KHDRBS2: variants seen among roughly 807,000 people sequenced by gnomAD.
The protein encoded by KHDRBS2 is KH domain-containing, RNA-binding, signal transduction-associated protein 2.
A neutral mutation model predicts 44.3 loss-of-function variants in KHDRBS2; 26 were observed. The observed-to-expected ratio is 0.59, with a 90% CI of 0.43 to 0.81. The LOEUF is 0.81. KHDRBS2 is among the 40% of genes least tolerant of loss of function. The pLI, the probability that KHDRBS2 is intolerant of heterozygous loss-of-function variation, is 0.00. For missense variants in KHDRBS2, 476 were observed against 433.1 expected (o/e 1.10, Z -0.88); for synonymous variants, 194 against 151.1 (o/e 1.28, Z -2.08).
chr6:62,061,921 A>C (rs1026215167), intron 2 of KHDRBS2, among the ~76,000 whole-genome samples: 10 of 151,328 alleles, frequency 6.6e-5, no homozygotes, highest in Non-Finnish European at 1.5e-4. Context: ...CATTTCATTT[A>C]TTTCATCTTC....
intron 6 of KHDRBS2, among the ~76,000 whole-genome samples, chr6:61,830,147 T>C (rs1583053111): frequency 6.6e-6 from 1 of 152,188 alleles, no homozygotes; most frequent in Admixed American, 6.5e-5. Flanking sequence ...TCCTCTCTAA[T>C]TAAATTCTCC....
chr6:62,083,640 A>C (rs745814268), intron 2 of KHDRBS2, among the ~76,000 whole-genome samples: 1 of 152,112 alleles, frequency 6.6e-6, no homozygotes, highest in Non-Finnish European at 1.5e-5. Flanking sequence ...AGAAGTGCTC[A>C]TCCCTACCTC....
intron 7 of KHDRBS2, among the ~76,000 whole-genome samples, chr6:61,708,705 A>C (rs185974827): frequency 6.6e-6 from 1 of 151,772 alleles, no homozygotes; most frequent in Non-Finnish European, 1.5e-5. Context: ...ATAAATAGAT[A>C]TATAGGTATA....
intron 1 of KHDRBS2, among the ~76,000 whole-genome samples, chr6:62,270,076 T>C (rs1300696654): frequency 2.0e-5 from 3 of 152,110 alleles, no homozygotes; most frequent in Non-Finnish European, 4.4e-5. Flanking sequence ...TTGGAGGCGA[T>C]ATAGTTTGAA....
At chr6:62,281,605 G>T (rs567937903) in intron 1 of KHDRBS2, among the ~76,000 whole-genome samples, 1 of 152,116 alleles carries the variant, frequency 6.6e-6, no homozygotes, top group African/African-American at 2.4e-5. Flanking sequence ...GGGCAACAGC[G>T]CAAGGCTCTG....
chr6:62,076,643 G>C (rs924733851), intron 2 of KHDRBS2, among the ~76,000 whole-genome samples: 4 of 151,982 alleles, frequency 2.6e-5, no homozygotes, highest in Non-Finnish European at 4.4e-5. Flanking sequence ...GCAAATAATA[G>C]GGACTTTAAA....
chr6:62,057,819 T>C (rs1790645205), intron 2 of KHDRBS2, among the ~76,000 whole-genome samples: 2 of 151,976 alleles, frequency 1.3e-5, no homozygotes, highest in Non-Finnish European at 2.9e-5. Context: ...CATTAAACAG[T>C]TGTTTTGTAA....
At chr6:62,058,899 A>T (rs556424961) in intron 2 of KHDRBS2, among the ~76,000 whole-genome samples, 29 of 151,988 alleles carry the variant, frequency 1.9e-4, no homozygotes, top group Non-Finnish European at 3.5e-4. Context: ...AATATAATTT[A>T]TTCAATGGAC....
At chr6:62,227,055 G>A (rs533468439) in intron 1 of KHDRBS2, among the ~76,000 whole-genome samples, 25 of 152,148 alleles carry the variant, frequency 1.6e-4, no homozygotes, top group African/African-American at 5.8e-4. Context: ...CTAATTCTGT[G>A]AAAAATGCCA....
At chr6:61,969,826 TAAATA>T (rs1770946352) in intron 4 of KHDRBS2, among the ~76,000 whole-genome samples, 1 of 151,972 alleles carries the variant, frequency 6.6e-6, no homozygotes, top group Admixed American at 6.6e-5. Flanking sequence ...TATTCTGACT[TAAATA>T]AAGATAAATA....
At chr6:62,267,199 T>G (rs1247953888) in intron 1 of KHDRBS2, among the ~76,000 whole-genome samples, 1 of 152,050 alleles carries the variant, frequency 6.6e-6, no homozygotes, top group African/African-American at 2.4e-5. Flanking sequence ...ATTCCGGGGT[T>G]TCTCAAGAGA....
intron 6 of KHDRBS2, among the ~76,000 whole-genome samples, chr6:61,840,685 A>G (rs1263327359): frequency 2.0e-5 from 3 of 152,176 alleles, no homozygotes; most frequent in Non-Finnish European, 4.4e-5. Context: ...TAATGCTGGC[A>G]TAACTGGTGA....
At chr6:62,150,126 G>A (rs1231453638) in intron 2 of KHDRBS2, among the ~76,000 whole-genome samples, 3 of 152,070 alleles carry the variant, frequency 2.0e-5, no homozygotes, top group Non-Finnish European at 2.9e-5. Flanking sequence ...GAGTCATCCA[G>A]CCAACGGGAA....
At chr6:62,231,205 T>G (rs188310007) in intron 1 of KHDRBS2, among the ~76,000 whole-genome samples, 13 of 152,320 alleles carry the variant, frequency 8.5e-5, no homozygotes, top group East Asian at 7.7e-4. Context: ...TGTATTAGTC[T>G]GTTTTCACAC....
the KHDRBS2 span, among the ~76,000 whole-genome samples, chr6:61,549,127 A>G: frequency 6.6e-6 from 1 of 152,206 alleles, no homozygotes; most frequent in African/African-American, 2.4e-5. Context: ...ATTAGAAGAC[A>G]ATAGGGAGAT....
At chr6:61,712,894 C>T (rs1234487527) in intron 7 of KHDRBS2, among the ~76,000 whole-genome samples, 1 of 151,586 alleles carries the variant, frequency 6.6e-6, no homozygotes, top group African/African-American at 2.4e-5. Flanking sequence ...TAACTCAAGT[C>T]CACAATTATT....
intron 2 of KHDRBS2, among the ~76,000 whole-genome samples, chr6:62,154,029 C>T (rs1371608898): frequency 1.3e-5 from 2 of 152,024 alleles, no homozygotes; most frequent in Non-Finnish European, 2.9e-5. Flanking sequence ...GCGTTTCTTT[C>T]TTTTATTATT....
the KHDRBS2 span, among the ~76,000 whole-genome samples, chr6:61,593,174 T>G: frequency 6.6e-6 from 1 of 152,238 alleles, no homozygotes; most frequent in African/African-American, 2.4e-5. Flanking sequence ...GTAAACTTTC[T>G]GCATAATTCA....
the KHDRBS2 span, among the ~76,000 whole-genome samples, chr6:61,583,132 A>G: frequency 8.3e-3 from 1,255 of 151,890 alleles, 16 homozygotes; most frequent in African/African-American, 0.029. Context: ...AAATTCTGTC[A>G]TGCCCTTTTT....
Sources: allele counts gnomAD v4.1 joint callset (sites outside exome capture counted in the v4.1 genomes callset), GRCh38; gene constraint gnomAD v4.1.1; transcripts MANE v1.5; gene names NCBI Gene and HGNC (gene_info 2026-07-23, HGNC 2026-07-21).